The following SORL1 variants were observed in gnomAD, a reference collection of about 807,000 sequenced individuals.
SORL1 encodes the protein sortilin related receptor 1.
A neutral mutation model predicts 273.7 loss-of-function variants in SORL1; 127 were observed. The ratio of observed to expected loss-of-function variants is 0.46; its 90% confidence interval spans 0.40 to 0.54. SORL1 has a LOEUF of 0.54. Ranked by LOEUF, SORL1 falls within the 20% of genes least tolerant of loss-of-function variation. The pLI is 0.00. For synonymous variants in SORL1, 1,031 were observed against 1,067.4 expected (o/e 0.97, Z 0.66); for missense variants, 2,494 against 2,846.1 (o/e 0.88, Z 2.81).
At chr11:121,512,805 G>A (rs1043341534) in intron 6 of SORL1, among the ~76,000 whole-genome samples, 198 bp from the exon 7 acceptor site, 1 of 152,140 alleles carries the variant, frequency 6.6e-6, no homozygotes, top group Non-Finnish European at 1.5e-5. Context: ...GTTGCAAACC[G>A]GGTATCTAAG....
At chr11:121,609,029 C>T (rs1863520801) in intron 38 of SORL1, 1 of 152,204 alleles carries the variant, frequency 6.6e-6, no homozygotes, top group Admixed American at 6.5e-5. Context: ...TTGAGTGAAT[C>T]GAAGCAGTTA....
At chr11:121,615,156 C>T (rs746075150) in intron 41 of SORL1, 101 bp downstream of exon 41, 107 of 961,694 alleles carry the variant, frequency 1.1e-4, no homozygotes, top group Non-Finnish European at 1.4e-4. Context: ...GCAAATGTTC[C>T]GGTGCCCCTG....
At chr11:121,580,353 G>A (rs1298831663) in intron 25 of SORL1, among the ~76,000 whole-genome samples, 1 of 152,160 alleles carries the variant, frequency 6.6e-6, no homozygotes, top group Non-Finnish European at 1.5e-5. Flanking sequence ...GAATCTGAGC[G>A]ACTTCTCTAG....
chr11:121,610,808 C>T, intron 38 of SORL1: 1 of 352,380 alleles, frequency 2.8e-6, no homozygotes. Context: ...GTTTTGGGAC[C>T]TTTACAAAAT....
intron 5 of SORL1, among the ~76,000 whole-genome samples, chr11:121,492,611 T>G (rs2134817176): frequency 6.6e-6 from 1 of 152,294 alleles, no homozygotes; most frequent in East Asian, 1.9e-4. Flanking sequence ...CCACAGTGAA[T>G]AAATCCTTAA....
chr11:121,481,594 T>G (rs1301310008), intron 3 of SORL1, among the ~76,000 whole-genome samples: 1 of 101,484 alleles, frequency 9.9e-6, no homozygotes, highest in Non-Finnish European at 2.0e-5. Context: ...CCTCCCCTAG[T>G]GCACAGATAC....
At chr11:121,538,487 G>A (rs1862299937) in intron 12 of SORL1, among the ~76,000 whole-genome samples, 1 of 152,044 alleles carries the variant, frequency 6.6e-6, no homozygotes, top group African/African-American at 2.4e-5. Context: ...CTTTTAACTG[G>A]TATCAGTAGG....
chr11:121,612,633 C>T, intron 39 of SORL1, 103 bp from the exon 40 acceptor site: 1 of 813,538 alleles, frequency 1.2e-6, no homozygotes, highest in Non-Finnish European at 2.0e-6. Context: ...AATGAGATAC[C>T]CAAGGAAAGA....
At chr11:121,491,305 G>C (rs930741640) in intron 5 of SORL1, among the ~76,000 whole-genome samples, 1 of 152,200 alleles carries the variant, frequency 6.6e-6, no homozygotes, top group African/African-American at 2.4e-5. Flanking sequence ...TGTACTTCAA[G>C]AAGTACTTCT....
At chr11:121,464,985 T>A (rs1475153541) in intron 1 of SORL1, among the ~76,000 whole-genome samples, 1 of 152,186 alleles carries the variant, frequency 6.6e-6, no homozygotes, top group African/African-American at 2.4e-5. Context: ...AATATAATGT[T>A]CTCTGCAGGT....
chr11:121,567,379 T>A (rs546614634), intron 22 of SORL1, among the ~76,000 whole-genome samples: 1 of 152,350 alleles, frequency 6.6e-6, no homozygotes, highest in East Asian at 1.9e-4. Flanking sequence ...TGGTTTCATG[T>A]CAGATGGCAC....
rs373788173 is a variant in SORL1, at chr11:121,614,884, A to G, written c.5433A>G (p.Thr1811=). 6.2e-7 allele frequency: 1 copy of G among 1,612,306 alleles called. No homozygotes were observed. Among genetic ancestry groups the G allele is most frequent in the Non-Finnish European group, 8.5e-7 (1 of 1,179,368 alleles). Residue 1811 remains threonine, a synonymous_variant, in exon 41 of 48, where the codon ACA becomes ACG. Transcript: ENST00000260197. Reference sequence around the variant, plus strand: ...CTGTTTTCACAGTTGGCAATCTGACAGCTCATACATCCTATGAGATTTCTG... The same window carrying G: ...CTGTTTTCACAGTTGGCAATCTGACGGCTCATACATCCTATGAGATTTCTG... ...SILSHKVGNL[T]AHTSYEISAW... is the part of the protein sequence containing the mutation.
At chr11:121,482,335 T>C (rs1257269675) in intron 3 of SORL1, among the ~76,000 whole-genome samples, 1 of 151,906 alleles carries the variant, frequency 6.6e-6, no homozygotes, top group African/African-American at 2.4e-5. Context: ...TACCTCCGAG[T>C]GGTGTGTCTT....
chr11:121,516,261 C>T (rs1016896998), intron 8 of SORL1, among the ~76,000 whole-genome samples: 2 of 152,098 alleles, frequency 1.3e-5, no homozygotes, highest in South Asian at 4.1e-4. Context: ...TTGGCTGGAC[C>T]CAGGGTGGTC....
chr11:121,487,113 C>A (rs1003482460), intron 3 of SORL1, among the ~76,000 whole-genome samples: 1 of 152,358 alleles, frequency 6.6e-6, no homozygotes, highest in African/African-American at 2.4e-5. Flanking sequence ...TTTCTCATCT[C>A]TCAGCCTGGA....
intron 21 of SORL1, among the ~76,000 whole-genome samples, chr11:121,566,506 C>T (rs1862756637): frequency 6.6e-6 from 1 of 152,150 alleles, no homozygotes; most frequent in Non-Finnish European, 1.5e-5. Flanking sequence ...TGCCTGGCCT[C>T]CTTAAGTCTC....
At chr11:121,562,166 G>A (rs937190871) in intron 21 of SORL1, among the ~76,000 whole-genome samples, 1 of 152,150 alleles carries the variant, frequency 6.6e-6, no homozygotes, top group Non-Finnish European at 1.5e-5. Flanking sequence ...CAGATCAGTA[G>A]GGGTGGATGT....
chr11:121,604,305 C>T lies in SORL1; in HGVS notation c.4632C>T (p.Ser1544=), dbSNP rs142508034. ...CDGFLDCSDE[S]DEKACSDELT... ...GCTTCCTGGACTGCTCGGACGAGAG[C>T]GATGAAAAGGCCTGCAGTGGTGAGT... The change falls in exon 33 of 48, where the codon AGC becomes AGT. Residue 1544 remains serine (S), a synonymous_variant. Transcript: ENST00000260197. The T allele has an allele frequency of 1.5e-5, 25 of 1,613,542 alleles. No homozygotes were observed. The African/African-American group carries it at 2.1e-4, about 14-fold the overall frequency.
chr11:121,574,298 T>C lies in SORL1; in HGVS notation c.3395T>C (p.Ile1132Thr). The change falls in exon 24 of 48, where the codon ATC becomes ACC. Residue 1132 changes from isoleucine (I) to threonine (T), a missense_variant. By Grantham distance (89) the Ile-to-Thr change is moderately conservative. This residue lies in a region of SORL1 where 1,609 missense variants were observed against 1,816.4 expected (regional missense o/e 0.89). Transcript: ENST00000260197. ...QFRCQESGTC[I>T]PLSYKCDLED... ...CGTTGCCAGGAGTCTGGGACTTGTA[T>C]CCCACTGTCCTATAAATGTGACCTT... 1 of 1,613,734 alleles carries C rather than the reference T, an allele frequency of 6.2e-7. No homozygotes were observed. The highest frequency in any genetic ancestry group is 1.3e-5 in the African/African-American group (1 of 75,042).
Sources: allele counts gnomAD v4.1 joint callset (sites outside exome capture counted in the v4.1 genomes callset), GRCh38; gene constraint gnomAD v4.1.1; regional missense constraint gnomAD v4.1.1; transcripts MANE v1.5; gene names NCBI Gene and HGNC (gene_info 2026-07-23, HGNC 2026-07-21).